Variants in RREB1 observed in about 807,000 individuals in gnomAD.
RREB1 encodes ras-responsive element-binding protein 1.
In RREB1, 27 loss-of-function variants were observed where a neutral mutation model predicts 117.8. The ratio of observed to expected loss-of-function variants is 0.23; its 90% CI spans 0.17 to 0.32. The LOEUF (loss-of-function observed/expected upper bound fraction) is 0.32. RREB1 is among the 10% of genes least tolerant of loss of function. The probability of loss-of-function intolerance (pLI) is 1.00; values close to 1 mark genes in which losing one functional copy is unlikely to be tolerated. For synonymous variants in RREB1, 1,298 were observed against 1,026.7 expected (o/e 1.26, Z -5.05); for missense variants, 2,577 against 2,378.2 (o/e 1.08, Z -1.74).
At chr6:7,147,851 C>G (rs1198182890) in intron 1 of RREB1, among the ~76,000 whole-genome samples, 1 of 147,702 alleles carries the variant, frequency 6.8e-6, no homozygotes, top group African/African-American at 2.5e-5. Context: ...TCAGTGAGTT[C>G]AGGAAAAAAA....
At chr6:7,122,151 A>G (rs952179206) in intron 1 of RREB1, among the ~76,000 whole-genome samples, 1 of 152,260 alleles carries the variant, frequency 6.6e-6, no homozygotes, top group Non-Finnish European at 1.5e-5. Context: ...AGCATGCTCC[A>G]AAGAAGCTTC....
chr6:7,154,900 T>A (rs2113441134), intron 1 of RREB1, among the ~76,000 whole-genome samples: 1 of 152,218 alleles, frequency 6.6e-6, no homozygotes, highest in East Asian at 1.9e-4. Flanking sequence ...TAAGCCCCCT[T>A]ACCACGAGCT....
rs751432487 is a variant in RREB1 at position 7,229,372 on chromosome 6, A to T, written c.1273A>T (p.Thr425Ser). 19 of 1,613,882 alleles carry T rather than the reference A, an allele frequency of 1.2e-5. No homozygotes were observed. The highest frequency in any genetic ancestry group is 1.6e-4 in the Middle Eastern group (1 of 6,082). The change falls in exon 10 of 13, where the codon ACA becomes TCA. Residue 425 changes from threonine to serine, a missense_variant. Coordinates refer to ENST00000379938, the MANE Select transcript of RREB1 (RefSeq NM_001003699.4). The surrounding 1 kb of genome is among the most constrained non-coding windows in gnomAD (Gnocchi z 4.5). ...FEAASLGGSL[T>S]VLPATKDSIK... ...AGCTGCTTCCCTAGGCGGTTCTCTC[A>T]CAGTTCTCCCCGCGACCAAGGACAG...
intron 1 of RREB1, among the ~76,000 whole-genome samples, chr6:7,174,151 CTT>C (rs59106767): frequency 0.026 from 3,452 of 131,020 alleles, 113 homozygotes; most frequent in African/African-American, 0.076. Context: ...CTAGTCTTTC[CTT>C]TTTTTTTTTT....
intron 1 of RREB1, among the ~76,000 whole-genome samples, chr6:7,155,354 T>A (rs1763313700): frequency 6.6e-6 from 1 of 152,252 alleles, no homozygotes; most frequent in Non-Finnish European, 1.5e-5. Flanking sequence ...TTGCCCAGGC[T>A]GGAGTGCAGT....
intron 6 of RREB1, among the ~76,000 whole-genome samples, chr6:7,206,705 C>T (rs189298579): frequency 2.4e-4 from 36 of 152,280 alleles, no homozygotes; most frequent in Admixed American, 4.6e-4. Flanking sequence ...AGCATCTGCA[C>T]AAGTAGGGTG....
At chr6:7,133,719 C>A (rs1481470581) in intron 1 of RREB1, among the ~76,000 whole-genome samples, 1 of 151,944 alleles carries the variant, frequency 6.6e-6, no homozygotes, top group South Asian at 2.1e-4. Flanking sequence ...CACCTATGCC[C>A]ATAATAGAAG....
chr6:7,120,967 G>A (rs1761655433), intron 1 of RREB1, among the ~76,000 whole-genome samples: 1 of 151,840 alleles, frequency 6.6e-6, no homozygotes, highest in Non-Finnish European at 1.5e-5. Flanking sequence ...GGGATTACAG[G>A]TGCCTGCCAC....
rs909338766 is a variant in RREB1 at position 7,248,497 on chromosome 6, T to C, written c.4772-14T>C. The C allele has an allele frequency of 3.1e-6, 5 of 1,611,592 alleles. No individual in the cohort carries two copies. Among genetic ancestry groups the C allele is most frequent in the Admixed American group, 1.7e-5 (1 of 59,974 alleles). ...CCTTTTGGTTAATGGAAATTCTTTC[T>C]TCCATTGTTCCAGGGGAAAGGCCAT... On this transcript the variant is annotated splice_polypyrimidine_tract_variant and intron_variant, in intron 12 of 12. Coordinates refer to ENST00000379938, the MANE Select transcript of RREB1 (RefSeq NM_001003699.4).
At chr6:7,236,663 T>C (rs1348148126) in intron 10 of RREB1, among the ~76,000 whole-genome samples, 2 of 151,906 alleles carry the variant, frequency 1.3e-5, no homozygotes, top group African/African-American at 4.8e-5. Context: ...CAAGGTTTTC[T>C]ATGCTAGTTA....
intron 8 of RREB1, chr6:7,214,689 A>G (rs1766803710): frequency 6.6e-6 from 1 of 152,236 alleles, no homozygotes; most frequent in African/African-American, 2.4e-5. Context: ...TAAAATAGAC[A>G]CCAGCTCCAT....
chr6:7,227,073 T>G (rs1353239928), intron 9 of RREB1, among the ~76,000 whole-genome samples: 2 of 152,006 alleles, frequency 1.3e-5, no homozygotes, highest in Non-Finnish European at 2.9e-5. Flanking sequence ...AGACTTTATC[T>G]CTACAAAAAA....
At chr6:7,232,717 A>G (rs9505087) in intron 10 of RREB1, among the ~76,000 whole-genome samples, 5,091 of 151,978 alleles carry the variant, frequency 0.033, 250 homozygotes, top group African/African-American at 0.11. Context: ...TAACAAACTT[A>G]AATTGTCAAA....
chr6:7,244,262 C>G (rs1409450425), intron 11 of RREB1, among the ~76,000 whole-genome samples: 1 of 108,378 alleles, frequency 9.2e-6, no homozygotes, highest in South Asian at 2.9e-4. Flanking sequence ...GACTCCATCT[C>G]AAAAAAAAAA....
At chr6:7,226,725 A>C (rs1767607725) in intron 9 of RREB1, 69 bp downstream of exon 9, 18 of 1,183,036 alleles carry the variant, frequency 1.5e-5, no homozygotes, top group Non-Finnish European at 2.2e-5. Flanking sequence ...GACCATGGGA[A>C]CTTCCTCTCC....
chr6:7,121,264 C>T (rs534779414), intron 1 of RREB1, among the ~76,000 whole-genome samples: 30 of 152,112 alleles, frequency 2.0e-4, no homozygotes, highest in Non-Finnish European at 3.8e-4. Flanking sequence ...CTGGCCTAGA[C>T]CTAAATCTTA....
intron 4 of RREB1, among the ~76,000 whole-genome samples, chr6:7,182,865 G>A (rs2113533613): frequency 6.6e-6 from 1 of 152,284 alleles, no homozygotes; most frequent in South Asian, 2.1e-4. Context: ...CTAAATCCTT[G>A]GAGAGAAGGT....
intron 5 of RREB1, among the ~76,000 whole-genome samples, chr6:7,188,408 G>A (rs1403695807): frequency 1.3e-4 from 20 of 151,888 alleles, no homozygotes; most frequent in Non-Finnish European, 1.9e-4. Flanking sequence ...CCACCACCAC[G>A]CCCAGCCAAT....
In RREB1 at chr6:7,231,643, G is replaced by A. The variant is rs757807934; in HGVS notation, c.3544G>A (p.Glu1182Lys). 6.5e-5 allele frequency: 104 copies of A among 1,611,300 alleles called. No homozygotes were observed. In the Admixed American group the frequency reaches 9.5e-4, roughly 15 times the overall value. ...LDSSGEFASI[E>K]KMLATTDTNK... ...CTCCAGCGGGGAGTTTGCCAGCATC[G>A]AGAAGATGCTGGCCACCACAGACAC... The change falls in exon 10 of 13, where the codon GAG becomes AAG. Residue 1182 changes from glutamate to lysine, a missense_variant. Glu to Lys is a moderately conservative substitution (Grantham distance 56). Transcript: ENST00000379938.
Sources: gnomAD v4.1 joint callset for allele counts (sites outside exome capture counted in the v4.1 genomes callset) on GRCh38, gnomAD v4.1.1 for gene constraint, Gnocchi (gnomAD v3.1) non-coding constraint, MANE v1.5 for transcripts, NCBI Gene and HGNC (gene_info 2026-07-23, HGNC 2026-07-21) for gene names.